The following TMEM163 variants were observed in gnomAD, a reference collection of about 807,000 sequenced individuals.
The protein encoded by TMEM163 is transmembrane protein 163.
Under a neutral mutation model 29.3 loss-of-function variants are expected in TMEM163, and 17 were observed. The observed-to-expected ratio is 0.58, with a 90% CI of 0.40 to 0.87. The LOEUF (loss-of-function observed/expected upper bound fraction) is 0.87, where lower values mean the gene tolerates loss of function less well. Ranked by LOEUF, TMEM163 falls within the 40% of genes least tolerant of loss-of-function variation. The pLI is 0.00. For missense variants in TMEM163, 303 were observed against 381.5 expected, an observed-to-expected ratio of 0.79 and a Z score of 1.71; for synonymous variants, 157 against 160.6, an observed-to-expected ratio of 0.98 and a Z score of 0.17.
intron 2 of TMEM163, among the ~76,000 whole-genome samples, chr2:134,708,109 A>G (rs1313113243): frequency 6.6e-6 from 1 of 151,800 alleles, no homozygotes; most frequent in African/African-American, 2.4e-5. Flanking sequence ...CTGGTCTCAA[A>G]CTCCTGACTT....
intron 2 of TMEM163, among the ~76,000 whole-genome samples, chr2:134,589,652 A>G (rs1440068725): frequency 6.6e-6 from 1 of 152,238 alleles, no homozygotes; most frequent in Non-Finnish European, 1.5e-5. Flanking sequence ...ACTCATGAAT[A>G]GTCCACCCAT....
intron 1 of TMEM163, among the ~76,000 whole-genome samples, chr2:134,715,986 C>A (rs1685029964): frequency 6.6e-6 from 1 of 152,192 alleles, no homozygotes; most frequent in Non-Finnish European, 1.5e-5. Context: ...GGTACAAATA[C>A]ATATGGAGAG....
chr2:134,594,884 CT>C (rs1682031700), intron 2 of TMEM163, among the ~76,000 whole-genome samples: 1 of 142,734 alleles, frequency 7.0e-6, no homozygotes, highest in Non-Finnish European at 1.5e-5. Flanking sequence ...TCTCTCTCTA[CT>C]TCTCTCTCTC....
At chr2:134,516,684 T>G (rs201352804) in intron 4 of TMEM163, among the ~76,000 whole-genome samples, 22,650 of 137,738 alleles carry the variant, frequency 0.16, 2,100 homozygotes, top group South Asian at 0.37. Context: ...CATACATATA[T>G]GCATATATAT....
In TMEM163 at chr2:134,595,401, T is replaced by A. The variant is rs569320798; in HGVS notation, c.323-43310A>T. On this transcript the variant is annotated intron_variant, in intron 2 of 7. Coordinates refer to ENST00000281924, the MANE Select transcript of TMEM163 (RefSeq NM_030923.5). ...TGTCCTTGCAATAGTTTGCTGAGAA[T>A]GATGGTTTCCAGCTTCATCCATTTC... 3.2e-4 allele frequency among the ~76,000 whole-genome samples: 49 copies of A among 152,264 alleles called. No homozygotes were observed. The East Asian group carries it at 8.9e-3, about 28-fold the overall frequency.
intron 2 of TMEM163, among the ~76,000 whole-genome samples, chr2:134,711,485 A>T (rs1320161174): frequency 6.6e-6 from 1 of 152,252 alleles, no homozygotes; most frequent in Non-Finnish European, 1.5e-5. Context: ...CCAACATTTT[A>T]TTGGCTAGAA....
intron 2 of TMEM163, among the ~76,000 whole-genome samples, chr2:134,662,915 T>A (rs1186711034): frequency 6.6e-6 from 1 of 152,204 alleles, no homozygotes; most frequent in African/African-American, 2.4e-5. Context: ...AGTGGGCACC[T>A]TGTGTGATGG....
At chr2:134,578,870 T>G (rs1681624161) in intron 2 of TMEM163, among the ~76,000 whole-genome samples, 1 of 152,192 alleles carries the variant, frequency 6.6e-6, no homozygotes, top group Admixed American at 6.5e-5. Context: ...AAAAAGAGAC[T>G]GCTCTATTCA....
intron 2 of TMEM163, among the ~76,000 whole-genome samples, chr2:134,622,352 C>T (rs932770550): frequency 6.6e-6 from 1 of 152,204 alleles, no homozygotes; most frequent in African/African-American, 2.4e-5. Flanking sequence ...CCATTGCCTC[C>T]ACGGCAGGGG....
At chr2:134,709,834 C>T (rs1042771033) in intron 2 of TMEM163, among the ~76,000 whole-genome samples, 2 of 152,186 alleles carry the variant, frequency 1.3e-5, no homozygotes, top group African/African-American at 4.8e-5. Flanking sequence ...TGATAAGAAA[C>T]ATTTGCAGTC....
At chr2:134,591,304 C>T (rs998099602) in intron 2 of TMEM163, among the ~76,000 whole-genome samples, 3 of 152,166 alleles carry the variant, frequency 2.0e-5, no homozygotes, top group African/African-American at 7.2e-5. Flanking sequence ...TGAGAGACTG[C>T]TGCATTGTGG....
chr2:134,562,063 T>A (rs72984257), intron 2 of TMEM163, among the ~76,000 whole-genome samples: 3,864 of 152,346 alleles, frequency 0.025, 90 homozygotes, highest in African/African-American at 0.059. Flanking sequence ...TCTTCTCTTG[T>A]CTTCTATGTT....
At chr2:134,569,074 AC>A (rs1472612382) in intron 2 of TMEM163, among the ~76,000 whole-genome samples, 1 of 152,246 alleles carries the variant, frequency 6.6e-6, no homozygotes, top group Non-Finnish European at 1.5e-5. Context: ...TTGACATTCT[AC>A]ATGAACCAGA....
intron 2 of TMEM163, among the ~76,000 whole-genome samples, chr2:134,616,372 A>G (rs1682609507): frequency 6.6e-6 from 1 of 152,108 alleles, no homozygotes; most frequent in South Asian, 2.1e-4. Flanking sequence ...CCAATGGGAG[A>G]TCTTTAGGCA....
chr2:134,570,494 A>G (rs1473026926), intron 2 of TMEM163, among the ~76,000 whole-genome samples: 1 of 133,688 alleles, frequency 7.5e-6, no homozygotes, highest in African/African-American at 3.9e-5. Context: ...ATACATATAC[A>G]TATACATATA....
At position 134,493,412 on chromosome 2, in the gene TMEM163, C is replaced by T. The variant is rs561100311; in HGVS notation, c.555+9489G>A. ...TTTTTGAGATGGAGTCTCACTCTGTCGCCCAGTCTGGAGTACAGTGGTGCA... is the reference window on the plus strand; with the variant it reads ...TTTTTGAGATGGAGTCTCACTCTGTTGCCCAGTCTGGAGTACAGTGGTGCA... On this transcript the variant is annotated intron_variant, in intron 5 of 7. Transcript: ENST00000281924. Among the ~76,000 whole-genome samples the T allele has an allele frequency of 1.2e-4, 14 of 112,012 alleles. No individual in the cohort carries two copies. In the South Asian group the frequency reaches 1.6e-3, roughly 13 times the overall value. The allele number at this position is 112,012 out of a possible 152,430, so 73.5% of individuals were successfully genotyped here. A position where few individuals can be genotyped will look rare whatever the true frequency, so the allele number is the denominator to read the frequency against.
chr2:134,541,839 C>T (rs1213370395), intron 4 of TMEM163, among the ~76,000 whole-genome samples: 6 of 152,088 alleles, frequency 3.9e-5, no homozygotes, highest in Non-Finnish European at 5.9e-5. Context: ...ATGTTAGTTC[C>T]GGTTATCCCT....
intron 2 of TMEM163, among the ~76,000 whole-genome samples, chr2:134,593,539 G>A (rs912170202): frequency 2.0e-5 from 3 of 152,190 alleles, no homozygotes; most frequent in Admixed American, 1.3e-4. Flanking sequence ...GGAGATGGCC[G>A]AAGAAGGTGC....
chr2:134,487,086 C>T (rs1013813993), intron 5 of TMEM163, among the ~76,000 whole-genome samples: 4 of 152,054 alleles, frequency 2.6e-5, no homozygotes, highest in Non-Finnish European at 5.9e-5. Flanking sequence ...TAAGAACCAA[C>T]AGAAGGATAT....
Sources: allele counts gnomAD v4.1 joint callset (sites outside exome capture counted in the v4.1 genomes callset), GRCh38; gene constraint gnomAD v4.1.1; transcripts MANE v1.5; gene names NCBI Gene and HGNC (gene_info 2026-07-23, HGNC 2026-07-21).